The following KANK1 variants were observed in gnomAD, a reference collection of about 807,000 sequenced individuals.
KANK1 encodes the protein KN motif and ankyrin repeat domain-containing protein 1.
A neutral mutation model predicts 106.2 loss-of-function variants in KANK1; 109 were observed. The ratio of observed to expected loss-of-function variants is 1.03; its 90% CI spans 0.88 to 1.20. The LOEUF is 1.20. Among genes scored for constraint, KANK1 ranks in the 50% most tolerant of loss-of-function variants. KANK1 has a pLI of 0.00. For synonymous variants in KANK1, 873 were observed against 652.2 expected, an observed-to-expected ratio of 1.34 and a Z score of -5.16; for missense variants, 2,399 against 1,710.7, an observed-to-expected ratio of 1.40 and a Z score of -7.10.
chr9:551,602 T>A (rs1025466905), intron 1 of KANK1, among the ~76,000 whole-genome samples: 1 of 152,196 alleles, frequency 6.6e-6, no homozygotes, highest in African/African-American at 2.4e-5. Context: ...TTATAATGGT[T>A]ACTCTCACCT....
At chr9:529,234 T>TATATATACAC (rs1554613765) in intron 1 of KANK1, among the ~76,000 whole-genome samples, 434 of 148,794 alleles carry the variant, frequency 2.9e-3, no homozygotes, top group African/African-American at 0.01. Context: ...TATATATATA[T>TATATATACAC]ACACACACAC....
At chr9:488,642 T>C (rs1248832086) in intron 3 of KANK1, among the ~76,000 whole-genome samples, 13 of 152,178 alleles carry the variant, frequency 8.5e-5, no homozygotes, top group Admixed American at 8.5e-4. Flanking sequence ...GTCAATGTAA[T>C]CAAAAATGCT....
intron 1 of KANK1, among the ~76,000 whole-genome samples, chr9:646,225 G>C (rs1311689373): frequency 6.6e-6 from 1 of 150,932 alleles, no homozygotes; most frequent in Non-Finnish European, 1.5e-5. Flanking sequence ...AAGCATGGTG[G>C]CCCATGCCTG....
Position 713,268 on chromosome 9 carries a change from G to A in KANK1, c.2502G>A (p.Leu834=). The A allele has an allele frequency of 1.2e-6, 2 of 1,612,600 alleles. No homozygotes were observed. The highest frequency in any genetic ancestry group is 1.7e-6 in the Non-Finnish European group (2 of 1,179,290). ...ACATTGAGCGTATCCAGAAGCTGCT[G>A]GCAGAACAGCAGACACTGCTGGCTG... ...DHYIERIQKL[L]AEQQTLLAEN... is the part of the protein sequence containing the mutation. Residue 834 remains leucine, a synonymous_variant, in exon 3 of 12, where the codon CTG becomes CTA. Coordinates refer to ENST00000382297, the MANE Select transcript of KANK1 (RefSeq NM_015158.5).
At chr9:597,916 C>G (rs1332758868) in intron 1 of KANK1, among the ~76,000 whole-genome samples, 2 of 151,728 alleles carry the variant, frequency 1.3e-5, no homozygotes, top group African/African-American at 4.9e-5. Flanking sequence ...CCACCCGCCT[C>G]AGCCTCCCAA....
chr9:546,531 G>C (rs973152834), intron 1 of KANK1, among the ~76,000 whole-genome samples: 1 of 152,046 alleles, frequency 6.6e-6, no homozygotes, highest in African/African-American at 2.4e-5. Flanking sequence ...TACATACTTT[G>C]CTGCAGTCTC....
intron 1 of KANK1, among the ~76,000 whole-genome samples, chr9:657,296 T>G (rs1033833262): frequency 6.6e-6 from 1 of 152,226 alleles, no homozygotes; most frequent in African/African-American, 2.4e-5. Context: ...AGGTTGCTTC[T>G]GCATGTTGGT....
rs190256082 is a variant in KANK1 at position 571,015 on chromosome 9, A to T, written c.-84+66261A>T. Among the ~76,000 whole-genome samples the T allele has an allele frequency of 3.5e-3, 537 of 152,290 alleles. 4 individuals carry two copies. The highest frequency in any genetic ancestry group is 0.012 in the African/African-American group (506 of 41,564). On this transcript the variant is annotated intron_variant, in intron 1 of 11. Transcript: ENST00000382297. The stretch of plus-strand genomic sequence containing the variant: ...AGGAGTTACAAACATATATATTTTT[A>T]AAAAACTACTCTAAAGATCCTTGAT...
intron 1 of KANK1, among the ~76,000 whole-genome samples, chr9:513,263 C>G (rs1283207322): frequency 6.6e-6 from 1 of 152,242 alleles, no homozygotes; most frequent in Non-Finnish European, 1.5e-5. Flanking sequence ...GATATTTTCA[C>G]CAATGAAGAA....
intron 1 of KANK1, among the ~76,000 whole-genome samples, chr9:602,434 A>G (rs1285752781): frequency 6.6e-6 from 1 of 151,186 alleles, no homozygotes; most frequent in Non-Finnish European, 1.5e-5. Flanking sequence ...TAATTTTTGT[A>G]TTTTTAGTAG....
chr9:654,323 T>G (rs1449051530), intron 1 of KANK1, among the ~76,000 whole-genome samples: 1 of 152,128 alleles, frequency 6.6e-6, no homozygotes, highest in African/African-American at 2.4e-5. Flanking sequence ...GTTTTCCAAA[T>G]TTTGCTGAAG....
At position 504,726 on chromosome 9, in the gene KANK1, G is replaced by C. The variant is rs1254875302; in HGVS notation, c.-112G>C. 7.0e-6 allele frequency: 1 copy of C among 142,410 alleles called. No homozygotes were observed. The highest frequency in any genetic ancestry group is 2.3e-4 in the South Asian group (1 of 4,426). The allele number at this position is 142,410 out of a possible 1,614,324, so 8.8% of individuals were successfully genotyped here. A position where few individuals can be genotyped will look rare whatever the true frequency, so the allele number is the denominator to read the frequency against. On this transcript the variant is annotated 5_prime_UTR_variant, in exon 1 of 12. Transcript: ENST00000382297. Reference sequence around the variant, plus strand: ...CGGGTCCGCGGCGGAGCGAGCGAGCGGCCGGCAGGTTGGGAGGAGCGGCCG... The same window carrying C: ...CGGGTCCGCGGCGGAGCGAGCGAGCCGCCGGCAGGTTGGGAGGAGCGGCCG...
chr9:643,642 A>AG (rs1401908992), intron 1 of KANK1, among the ~76,000 whole-genome samples: 6 of 145,246 alleles, frequency 4.1e-5, no homozygotes, highest in Non-Finnish European at 5.9e-5. Context: ...GGCCTTCCAA[A>AG]GTGTGAGGAT....
At position 712,409 on chromosome 9, in the gene KANK1, G is replaced by T. The variant is rs762463721; in HGVS notation, c.1643G>T (p.Gly548Val). Residue 548 changes from glycine to valine, a missense_variant, in exon 3 of 12, where the codon GGC becomes GTC. By Grantham distance (109) the Gly-to-Val change is moderately radical. Coordinates refer to ENST00000382297, the MANE Select transcript of KANK1 (RefSeq NM_015158.5). Reference protein sequence around the residue: ...VGTSVETNSVGISCQPECKNK... With the variant: ...VGTSVETNSVVISCQPECKNK... The stretch of plus-strand genomic sequence containing the variant: ...ACCTCCGTGGAAACAAACAGTGTAG[G>T]CATCTCCTGCCAGCCTGAATGTAAG... The T allele has an allele frequency of 1.9e-6, 3 of 1,614,184 alleles. No homozygotes were observed. Among genetic ancestry groups the T allele is most frequent in the Non-Finnish European group, 2.5e-6 (3 of 1,180,042 alleles).
chr9:605,300 C>CAAAA (rs34315668), intron 1 of KANK1, among the ~76,000 whole-genome samples: 13 of 106,808 alleles, frequency 1.2e-4, no homozygotes, highest in South Asian at 6.4e-4. Context: ...GACTCCGTCT[C>CAAAA]AAAAAAAAAA....
chr9:662,241 A>T (rs1333382604), intron 1 of KANK1, among the ~76,000 whole-genome samples: 1 of 152,186 alleles, frequency 6.6e-6, no homozygotes, highest in Non-Finnish European at 1.5e-5. Context: ...TGTGAAAATG[A>T]CCATACTGCC....
chr9:590,474 A>G (rs141976885), intron 1 of KANK1, among the ~76,000 whole-genome samples: 51 of 152,182 alleles, frequency 3.4e-4, no homozygotes, highest in African/African-American at 1.2e-3. Context: ...TGCTTTAGAT[A>G]TATATATGTA....
intron 1 of KANK1, among the ~76,000 whole-genome samples, chr9:537,080 A>G (rs2060339681): frequency 6.6e-6 from 1 of 152,208 alleles, no homozygotes; most frequent in Non-Finnish European, 1.5e-5. Context: ...TCTCCTGCTT[A>G]TGGTGAAATT....
chr9:580,536 A>G (rs1368990996), intron 1 of KANK1, among the ~76,000 whole-genome samples: 1 of 152,228 alleles, frequency 6.6e-6, no homozygotes, highest in Non-Finnish European at 1.5e-5. Flanking sequence ...TCCCTGAGCT[A>G]GACGCAAAAG....
Sources: gnomAD v4.1 joint callset for allele counts (sites outside exome capture counted in the v4.1 genomes callset) on GRCh38, gnomAD v4.1.1 for gene constraint, MANE v1.5 for transcripts, NCBI Gene and HGNC (gene_info 2026-07-23, HGNC 2026-07-21) for gene names.